SMOC1: variants seen among roughly 807,000 people sequenced by gnomAD.
SMOC1 encodes SPARC related modular calcium binding 1.
In SMOC1, 22 loss-of-function variants were observed where a neutral mutation model predicts 56.3. That is an observed-to-expected ratio of 0.39 (90% confidence interval 0.28 to 0.56). The LOEUF is 0.56. Among genes scored for constraint, SMOC1 ranks in the 20% least tolerant of loss-of-function variants. The pLI is 0.61. For missense variants in SMOC1, 509 were observed against 565.4 expected, an observed-to-expected ratio of 0.90 and a Z score of 1.01; for synonymous variants, 193 against 215.0, an observed-to-expected ratio of 0.90 and a Z score of 0.89.
chr14:69,938,219 A>G (rs561550823), intron 1 of SMOC1, among the ~76,000 whole-genome samples: 8 of 152,178 alleles, frequency 5.3e-5, no homozygotes, highest in Admixed American at 3.9e-4. Flanking sequence ...TTACAGAGCC[A>G]TGACATACTC....
At chr14:69,888,917 C>T (rs970354964) in intron 1 of SMOC1, among the ~76,000 whole-genome samples, 1 of 152,198 alleles carries the variant, frequency 6.6e-6, no homozygotes, top group Non-Finnish European at 1.5e-5. Context: ...TACTCCTTCA[C>T]TTCCTCCTTC....
intron 1 of SMOC1, among the ~76,000 whole-genome samples, chr14:69,908,933 C>A (rs983876142): frequency 2.0e-5 from 3 of 152,020 alleles, no homozygotes; most frequent in African/African-American, 7.2e-5. Context: ...ACTGTATTCT[C>A]CCAATTGTTT....
intron 4 of SMOC1, 78 bp downstream of exon 4, chr14:69,975,892 A>G: frequency 9.9e-7 from 1 of 1,006,744 alleles, no homozygotes. Flanking sequence ...CTTGTGGGAG[A>G]ACCTTTAGAA....
In SMOC1 at chr14:69,922,583, G is replaced by A. The variant is rs575744299; in HGVS notation, c.100-29555G>A. Among the ~76,000 whole-genome samples, 59 of 152,292 alleles carry A rather than the reference G, an allele frequency of 3.9e-4. 1 individual carries two copies. The highest frequency in any genetic ancestry group is 1.4e-3 in the African/African-American group (57 of 41,548). On this transcript the variant is annotated intron_variant, in intron 1 of 11. Transcript: ENST00000361956. Reference sequence around the variant, plus strand: ...ATCGTTGGCATCACTTAGAAATGCAGCCTCCAGCATCCTTCTTAGACATGC... The same window carrying A: ...ATCGTTGGCATCACTTAGAAATGCAACCTCCAGCATCCTTCTTAGACATGC...
intron 10 of SMOC1, among the ~76,000 whole-genome samples, chr14:70,013,874 AT>A (rs1441343448): frequency 1.3e-5 from 2 of 152,136 alleles, no homozygotes; most frequent in African/African-American, 4.8e-5. Flanking sequence ...GCACTTTGCA[AT>A]TTTCTTCTCT....
At chr14:69,880,172 G>A (rs2139276687) in intron 1 of SMOC1, among the ~76,000 whole-genome samples, 1 of 152,016 alleles carries the variant, frequency 6.6e-6, no homozygotes, top group South Asian at 2.1e-4. Context: ...GTTGGCAGGC[G>A]GCGGGGGTTG....
At chr14:69,965,338 G>A (rs1011806072) in intron 3 of SMOC1, among the ~76,000 whole-genome samples, 15 of 150,798 alleles carry the variant, frequency 9.9e-5, no homozygotes, top group African/African-American at 3.4e-4. Context: ...CCGAGTTGGC[G>A]CCACTGCACT....
chr14:69,947,838 C>T (rs954160502), intron 1 of SMOC1, among the ~76,000 whole-genome samples: 2 of 152,222 alleles, frequency 1.3e-5, no homozygotes, highest in Non-Finnish European at 2.9e-5. Context: ...CTGTACTGGA[C>T]AGCACAGATA....
chr14:69,881,262 G>A lies in SMOC1; in HGVS notation c.99+1485G>A, dbSNP rs546386448. On this transcript the variant is annotated intron_variant, in intron 1 of 11. Transcript: ENST00000361956. ...AACTCTGAGGTCAGGCGAGCCATGCGTTCCCTCCAATAATTAGGAACAGTC... is the reference window on the plus strand; with the variant it reads ...AACTCTGAGGTCAGGCGAGCCATGCATTCCCTCCAATAATTAGGAACAGTC... Among the ~76,000 whole-genome samples, 11 of 152,256 alleles carry A rather than the reference G, an allele frequency of 7.2e-5. 1 individual carries two copies. The East Asian group carries it at 1.4e-3, about 19-fold the overall frequency.
Position 69,955,808 on chromosome 14 carries a change from A to G in SMOC1, c.378+2276A>G, listed in dbSNP as rs550240990. 1.1e-4 allele frequency among the ~76,000 whole-genome samples: 17 copies of G among 152,354 alleles called. No homozygotes were observed. The South Asian group carries it at 3.5e-3, about 32-fold the overall frequency. On this transcript the variant is annotated intron_variant, in intron 3 of 11. Coordinates refer to ENST00000361956, the MANE Select transcript of SMOC1 (RefSeq NM_001034852.3). ...AAAAGAATGTGGGTGATCTTTGTAT[A>G]TATTTAAAACTGCATTGCAAAGAAT...
chr14:70,016,559 A>G (rs10130486), intron 10 of SMOC1, among the ~76,000 whole-genome samples: 70,248 of 152,076 alleles, frequency 0.46, 19,342 homozygotes, highest in African/African-American at 0.77. Context: ...AGCTGTCAGG[A>G]TTACCAGTGT....
At chr14:69,937,227 T>A (rs763437576) in intron 1 of SMOC1, among the ~76,000 whole-genome samples, 2 of 152,178 alleles carry the variant, frequency 1.3e-5, no homozygotes, top group Non-Finnish European at 2.9e-5. Context: ...ACAGATGGGA[T>A]CTGCTAAGTG....
intron 1 of SMOC1, among the ~76,000 whole-genome samples, chr14:69,901,717 T>C (rs1423668182): frequency 6.6e-6 from 1 of 152,250 alleles, no homozygotes; most frequent in African/African-American, 2.4e-5. Flanking sequence ...CTTTGTCCTA[T>C]GTCTTTGTTT....
At chr14:69,947,087 GCCTTCCTTCCTT>G (rs35916933) in intron 1 of SMOC1, among the ~76,000 whole-genome samples, 213 of 143,474 alleles carry the variant, frequency 1.5e-3, no homozygotes, top group African/African-American at 4.7e-3. Flanking sequence ...TCTCAGGCCG[GCCTTCCTTCCTT>G]CCTTCCTTCC....
intron 2 of SMOC1, 81 bp downstream of exon 2, chr14:69,952,384 G>C: frequency 1.3e-6 from 2 of 1,552,300 alleles, no homozygotes; most frequent in Admixed American, 1.7e-5. Flanking sequence ...CAACAGGGAA[G>C]CTTGGAGTAA....
chr14:69,972,153 C>G (rs1883783828), intron 3 of SMOC1, among the ~76,000 whole-genome samples: 1 of 152,172 alleles, frequency 6.6e-6, no homozygotes, highest in African/African-American at 2.4e-5. Context: ...GATTGAAAAG[C>G]TTTTCAAGGC....
chr14:70,008,457 C>T (rs547194183), intron 7 of SMOC1, among the ~76,000 whole-genome samples: 21 of 152,248 alleles, frequency 1.4e-4, no homozygotes, highest in African/African-American at 5.1e-4. Flanking sequence ...ATTTTATTCT[C>T]CATGGAACTT....
At chr14:70,002,335 G>A (rs17764854) in intron 7 of SMOC1, among the ~76,000 whole-genome samples, 381 of 152,280 alleles carry the variant, frequency 2.5e-3, no homozygotes, top group Non-Finnish European at 4.1e-3. Context: ...ACTTTAATTC[G>A]TGCAAATTCT....
chr14:69,995,942 G>A (rs1399209722), intron 7 of SMOC1, among the ~76,000 whole-genome samples: 1 of 152,102 alleles, frequency 6.6e-6, no homozygotes, highest in Non-Finnish European at 1.5e-5. Context: ...AAATAGAAGT[G>A]GTTTTGGTGC....
Sources: allele counts gnomAD v4.1 joint callset (sites outside exome capture counted in the v4.1 genomes callset), GRCh38; gene constraint gnomAD v4.1.1; transcripts MANE v1.5; gene names NCBI Gene and HGNC (gene_info 2026-07-23, HGNC 2026-07-21).